Variants in SLC9A9 observed in about 807,000 individuals in gnomAD.
SLC9A9 encodes the protein sodium/hydrogen exchanger 9.
In SLC9A9, 62 loss-of-function variants were observed where a neutral mutation model predicts 77.8. That is an observed-to-expected ratio of 0.80 (90% CI 0.65 to 0.98). The LOEUF (loss-of-function observed/expected upper bound fraction) is 0.98. Among genes scored for constraint, SLC9A9 ranks in the 50% least tolerant of loss-of-function variants. The pLI, the probability that SLC9A9 is intolerant of heterozygous loss-of-function variation, is 0.00. For missense variants in SLC9A9, 775 were observed against 774.9 expected (o/e 1.00, Z 0.00); for synonymous variants, 320 against 283.5 (o/e 1.13, Z -1.29).
intron 2 of SLC9A9, among the ~76,000 whole-genome samples, chr3:143,798,504 T>C (rs906014678): frequency 3.9e-5 from 6 of 152,184 alleles, no homozygotes; most frequent in African/African-American, 1.4e-4. Context: ...TCCTTCACTA[T>C]AGGCAAGCTT....
At chr3:143,566,556 A>G (rs1247904879) in intron 8 of SLC9A9, among the ~76,000 whole-genome samples, 6 of 151,918 alleles carry the variant, frequency 3.9e-5, no homozygotes, top group African/African-American at 1.5e-4. Flanking sequence ...CTTTTTCTTC[A>G]TATTTCTGGA....
At chr3:143,317,759 G>GAGA (rs2031268875) in intron 14 of SLC9A9, among the ~76,000 whole-genome samples, 1 of 151,760 alleles carries the variant, frequency 6.6e-6, no homozygotes, top group Admixed American at 6.6e-5. Context: ...ACAGAGTCTC[G>GAGA]CTCTGTCACC....
chr3:143,387,691 T>A (rs1175288955), intron 12 of SLC9A9, among the ~76,000 whole-genome samples: 3 of 151,916 alleles, frequency 2.0e-5, no homozygotes, highest in Admixed American at 6.6e-5. Context: ...TTGTGCACCA[T>A]AATGCACCCT....
At chr3:143,621,022 CACAGCAGTCTGAGATCAA>C (rs2038201495) in intron 6 of SLC9A9, among the ~76,000 whole-genome samples, 1 of 152,178 alleles carries the variant, frequency 6.6e-6, no homozygotes, top group Non-Finnish European at 1.5e-5. Flanking sequence ...TCATTGCTAG[CACAGCAGTCTGAGATCAA>C]ACTGCAAGGT....
intron 9 of SLC9A9, among the ~76,000 whole-genome samples, chr3:143,507,499 G>T (rs890645616): frequency 6.6e-6 from 1 of 152,022 alleles, no homozygotes; most frequent in African/African-American, 2.4e-5. Context: ...GAGCCACTGC[G>T]CCTGGCCCAG....
At chr3:143,560,588 T>C (rs1172929919) in intron 8 of SLC9A9, among the ~76,000 whole-genome samples, 2 of 152,118 alleles carry the variant, frequency 1.3e-5, no homozygotes, top group Admixed American at 1.3e-4. Flanking sequence ...ATCAAGAAAA[T>C]CTGAGAGGTT....
chr3:143,266,825 T>C lies in SLC9A9; in HGVS notation c.1815A>G (p.Leu605=). 1.2e-6 allele frequency: 2 copies of C among 1,614,180 alleles called. No homozygotes were observed. Among genetic ancestry groups the C allele is most frequent in the East Asian group, 2.2e-5 (1 of 44,872 alleles). ...GGGGTGAAGCTTTCTGGTCCAGACC[T>C]AGCCTTGCAGGAGGACTGCAGGGTG... is the stretch of plus-strand genomic sequence containing the variant. The part of the protein sequence containing the change: ...ASSPCSPPAR[L]GLDQKASPQT... Residue 605 remains leucine, a synonymous_variant, in exon 16 of 16, where the codon CTA becomes CTG. Transcript: ENST00000316549.
At chr3:143,622,443 A>T (rs1249920749) in intron 6 of SLC9A9, among the ~76,000 whole-genome samples, 1 of 152,238 alleles carries the variant, frequency 6.6e-6, no homozygotes, top group African/African-American at 2.4e-5. Flanking sequence ...AAGCCAGAAG[A>T]GAGTGGGGGC....
In SLC9A9 at chr3:143,651,972, T is replaced by C. The variant is rs1020526852; in HGVS notation, c.755+283A>G. Among the ~76,000 whole-genome samples the C allele has an allele frequency of 2.0e-5, 2 of 102,504 alleles. 1 individual carries two copies. Among genetic ancestry groups the C allele is most frequent in the Non-Finnish European group, 4.0e-5 (2 of 50,100 alleles). The allele number at this position is 102,504 out of a possible 152,430, so 67.2% of individuals were successfully genotyped here. ...TGATTTGAAATGAAAAAAGCTCATT[T>C]ATGTGCATTTTAGGAACCTAAGTGA... is the stretch of plus-strand genomic sequence containing the variant. On this transcript the variant is annotated intron_variant, in intron 6 of 15. Transcript: ENST00000316549.
At chr3:143,437,257 A>T (rs2034637080) in intron 12 of SLC9A9, among the ~76,000 whole-genome samples, 2 of 152,260 alleles carry the variant, frequency 1.3e-5, no homozygotes, top group Non-Finnish European at 2.9e-5. Context: ...GCCCAAAGAT[A>T]CAGTGCTCCT....
chr3:143,614,518 A>G (rs1183734156), intron 6 of SLC9A9, among the ~76,000 whole-genome samples: 1 of 152,210 alleles, frequency 6.6e-6, no homozygotes, highest in African/African-American at 2.4e-5. Context: ...TCTCCAACAG[A>G]CAATAGAGTA....
At chr3:143,829,740 T>C (rs1024983059) in intron 2 of SLC9A9, among the ~76,000 whole-genome samples, 15 of 152,182 alleles carry the variant, frequency 9.9e-5, no homozygotes, top group African/African-American at 3.4e-4. Flanking sequence ...TTTTTGGAAG[T>C]AGTGGAAGTG....
At chr3:143,817,820 T>G (rs1223458458) in intron 2 of SLC9A9, among the ~76,000 whole-genome samples, 1 of 23,300 alleles carries the variant, frequency 4.3e-5, no homozygotes, top group Non-Finnish European at 1.3e-4. Flanking sequence ...ATAGCCTATT[T>G]AATGTTTCAA....
chr3:143,673,898 C>T (rs1004168546), intron 5 of SLC9A9, among the ~76,000 whole-genome samples: 3 of 151,142 alleles, frequency 2.0e-5, no homozygotes, highest in Admixed American at 2.0e-4. Context: ...TGAGATTTAC[C>T]GTGGAAGTGG....
chr3:143,606,430 C>CTATATATATA lies in SLC9A9; in HGVS notation c.756-27708_756-27707insTATATATATA, dbSNP rs745429920. ...TCTCTCTCTCTCTCTCTCTCTCTCT[C>CTATATATATA]TCTCTCTATATATATATATATATAT... On this transcript the variant is annotated intron_variant, in intron 6 of 15. Transcript: ENST00000316549. Among the ~76,000 whole-genome samples, 113 of 63,274 alleles carry CTATATATATA rather than the reference C, an allele frequency of 1.8e-3. 1 individual carries two copies. Among genetic ancestry groups the CTATATATATA allele is most frequent in the Non-Finnish European group, 2.9e-3 (95 of 32,714 alleles). The allele number at this position is 63,274 out of a possible 152,430, so 41.5% of individuals were successfully genotyped here.
chr3:143,564,150 C>A (rs1232961574), intron 8 of SLC9A9, among the ~76,000 whole-genome samples: 3 of 152,182 alleles, frequency 2.0e-5, no homozygotes, highest in African/African-American at 7.2e-5. Flanking sequence ...TGAATTTATT[C>A]CTGGCAGGGT....
chr3:143,686,098 C>T (rs1049814146), intron 5 of SLC9A9, among the ~76,000 whole-genome samples: 1 of 152,118 alleles, frequency 6.6e-6, no homozygotes, highest in South Asian at 2.1e-4. Context: ...ACACCTCATC[C>T]GCGAGGGTGA....
intron 4 of SLC9A9, among the ~76,000 whole-genome samples, chr3:143,765,013 CTCTT>C (rs2007261633): frequency 1.4e-5 from 2 of 139,522 alleles, no homozygotes; most frequent in African/African-American, 3.0e-5. Flanking sequence ...CTTTCTTTCT[CTCTT>C]TCTCTTTCTT....
At chr3:143,656,445 T>A (rs2038889855) in intron 5 of SLC9A9, among the ~76,000 whole-genome samples, 1 of 152,266 alleles carries the variant, frequency 6.6e-6, no homozygotes, top group South Asian at 2.1e-4. Flanking sequence ...CAATTTTTTT[T>A]AAACTGCTGT....
Sources: allele counts gnomAD v4.1 joint callset (sites outside exome capture counted in the v4.1 genomes callset), GRCh38; gene constraint gnomAD v4.1.1; transcripts MANE v1.5; gene names NCBI Gene and HGNC (gene_info 2026-07-23, HGNC 2026-07-21).